The following CHODL variants were observed in gnomAD, a reference collection of about 807,000 sequenced individuals.
CHODL encodes the protein transmembrane protein MT75.
In CHODL, 29 loss-of-function variants were observed where a neutral mutation model predicts 34.5. The observed-to-expected ratio is 0.84, with a 90% CI of 0.63 to 1.15. CHODL has a LOEUF of 1.15. Ranked by LOEUF, CHODL falls within the 50% of genes most tolerant of loss-of-function variation. CHODL has a pLI of 0.00. For synonymous variants in CHODL, 125 were observed against 116.1 expected, an observed-to-expected ratio of 1.08 and a Z score of -0.49; for missense variants, 332 against 332.5, an observed-to-expected ratio of 1.00 and a Z score of 0.01.
At chr21:17,956,359 C>T (rs2063493951) in intron 1 of CHODL, among the ~76,000 whole-genome samples, 1 of 135,942 alleles carries the variant, frequency 7.4e-6, no homozygotes, top group South Asian at 2.9e-4. Context: ...CTCCTGAGGC[C>T]CCCCCAGAAG....
intron 2 of CHODL, among the ~76,000 whole-genome samples, chr21:18,079,375 A>T (rs911492980): frequency 4.0e-5 from 6 of 149,398 alleles, no homozygotes; most frequent in African/African-American, 1.5e-4. Context: ...TATATATCAC[A>T]GATATATACC....
intron 2 of CHODL, among the ~76,000 whole-genome samples, chr21:18,204,826 T>C (rs2073694647): frequency 6.6e-6 from 1 of 152,192 alleles, no homozygotes; most frequent in Non-Finnish European, 1.5e-5. Context: ...TCAAAATATA[T>C]ACCATATTAA....
intron 1 of CHODL, among the ~76,000 whole-genome samples, chr21:17,922,480 G>A (rs1352296582): frequency 6.6e-6 from 1 of 152,202 alleles, no homozygotes; most frequent in African/African-American, 2.4e-5. Flanking sequence ...AATCAGAGGA[G>A]ACACTCAAGA....
chr21:18,153,671 T>C (rs1258565735), intron 2 of CHODL, among the ~76,000 whole-genome samples: 1 of 152,138 alleles, frequency 6.6e-6, no homozygotes, highest in Non-Finnish European at 1.5e-5. Context: ...TATTTTGAGC[T>C]GAAAGCAGTT....
intron 2 of CHODL, among the ~76,000 whole-genome samples, chr21:18,140,683 C>G (rs886552635): frequency 6.6e-6 from 1 of 152,076 alleles, no homozygotes; most frequent in African/African-American, 2.4e-5. Context: ...TAGTAAAATA[C>G]TCAACATCCT....
chr21:18,265,927 C>A (rs753885293), intron 5 of CHODL, 27 bp from the exon 6 acceptor site: 9 of 1,594,156 alleles, frequency 5.6e-6, no homozygotes, highest in Non-Finnish European at 7.7e-6. Flanking sequence ...ATTTTAGGCA[C>A]TAAACATTTT....
Position 17,947,871 on chromosome 21 carries a change from A to G in CHODL, c.-145+30471A>G, listed in dbSNP as rs189232531. 2.4e-3 allele frequency among the ~76,000 whole-genome samples: 366 copies of G among 152,272 alleles called. 2 individuals are homozygous for G. Among genetic ancestry groups the G allele is most frequent in the South Asian group, 4.3e-3 (21 of 4,828 alleles). The stretch of plus-strand genomic sequence containing the variant: ...TCCACTCATATATTTTTGCAGCACT[A>G]TTTATAATAGCAAAGTCCTGGAATC... On this transcript the variant is annotated intron_variant, in intron 1 of 6. Coordinates refer to the CHODL transcript ENST00000400127.
At chr21:17,922,371 C>T (rs917851487) in intron 1 of CHODL, among the ~76,000 whole-genome samples, 1 of 152,104 alleles carries the variant, frequency 6.6e-6, no homozygotes, top group African/African-American at 2.4e-5. Flanking sequence ...GAGCGAGGCC[C>T]AGAGATTCTG....
At chr21:18,151,988 CTGTGTGTGTGTGTGTGTG>C (rs71941239) in intron 2 of CHODL, among the ~76,000 whole-genome samples, 2 of 146,622 alleles carry the variant, frequency 1.4e-5, no homozygotes, top group East Asian at 2.0e-4. Context: ...GTATATAACT[CTGTGTGTGTGTGTGTGTG>C]TGTGTGTGTG....
intron 2 of CHODL, among the ~76,000 whole-genome samples, chr21:18,073,033 CAA>C (rs2146502175): frequency 1.3e-5 from 2 of 152,180 alleles, no homozygotes; most frequent in South Asian, 4.1e-4. Flanking sequence ...TCTTCAGTAA[CAA>C]TAACATTTAG....
At chr21:18,246,275 A>C (rs1442046620) in intron 1 of CHODL, among the ~76,000 whole-genome samples, 1 of 151,784 alleles carries the variant, frequency 6.6e-6, no homozygotes, top group Non-Finnish European at 1.5e-5. Flanking sequence ...ATGTGTTTTG[A>C]GGGTGAAAAG....
At chr21:17,960,924 C>T (rs2063527387) in intron 1 of CHODL, among the ~76,000 whole-genome samples, 1 of 152,184 alleles carries the variant, frequency 6.6e-6, no homozygotes, top group Non-Finnish European at 1.5e-5. Context: ...GCTGTGTTTA[C>T]TTCTCACTGG....
intron 1 of CHODL, among the ~76,000 whole-genome samples, chr21:18,002,892 G>A (rs917479610): frequency 1.3e-5 from 2 of 152,106 alleles, no homozygotes; most frequent in Admixed American, 1.3e-4. Context: ...GGGAGGCCGA[G>A]GCGGGCGGAT....
intron 1 of CHODL, among the ~76,000 whole-genome samples, chr21:17,923,484 C>T (rs1286611854): frequency 1.7e-4 from 20 of 121,036 alleles, no homozygotes; most frequent in African/African-American, 5.3e-4. Flanking sequence ...TTTTTTGAGA[C>T]GAAGTCTCGC....
chr21:17,940,907 C>T (rs2063357728), intron 1 of CHODL, among the ~76,000 whole-genome samples: 1 of 152,134 alleles, frequency 6.6e-6, no homozygotes. Flanking sequence ...TTCGATAAAC[C>T]ATCTGATTTC....
At chr21:18,173,200 T>C (rs2073252757) in intron 2 of CHODL, among the ~76,000 whole-genome samples, 1 of 152,222 alleles carries the variant, frequency 6.6e-6, no homozygotes, top group Non-Finnish European at 1.5e-5. Flanking sequence ...GATTAGAGAC[T>C]TTAATTACAC....
chr21:18,033,004 G>A (rs1402436701), intron 2 of CHODL, among the ~76,000 whole-genome samples: 1 of 152,012 alleles, frequency 6.6e-6, no homozygotes, highest in Non-Finnish European at 1.5e-5. Flanking sequence ...AAGGGAGAGA[G>A]TAAGTATAAA....
chr21:17,936,361 G>A (rs2063319191), intron 1 of CHODL, among the ~76,000 whole-genome samples: 2 of 152,006 alleles, frequency 1.3e-5, no homozygotes, highest in Admixed American at 1.3e-4. Context: ...TCATCAAAAT[G>A]AGGAAGCAAG....
At chr21:17,940,767 C>T (rs976014248) in intron 1 of CHODL, among the ~76,000 whole-genome samples, 1 of 152,190 alleles carries the variant, frequency 6.6e-6, no homozygotes, top group African/African-American at 2.4e-5. Context: ...GGTAGAAGCT[C>T]TTCTAAACAA....
Sources: allele counts gnomAD v4.1 joint callset (sites outside exome capture counted in the v4.1 genomes callset), GRCh38; gene constraint gnomAD v4.1.1; transcripts MANE v1.5; gene names NCBI Gene and HGNC (gene_info 2026-07-23, HGNC 2026-07-21).